The following RALGAPA2 variants were observed in gnomAD, a reference collection of about 807,000 sequenced individuals.
RALGAPA2 encodes the protein ral GTPase-activating protein subunit alpha-2.
In RALGAPA2, 139 loss-of-function variants were observed where a neutral mutation model predicts 230.4. The ratio of observed to expected loss-of-function variants is 0.60; its 90% confidence interval spans 0.53 to 0.69. The LOEUF (loss-of-function observed/expected upper bound fraction) is 0.69. Among genes scored for constraint, RALGAPA2 ranks in the 30% least tolerant of loss-of-function variants. The pLI is 0.00. For missense variants in RALGAPA2, 2,163 were observed against 2,276.0 expected (o/e 0.95, Z 1.01); for synonymous variants, 847 against 837.8 (o/e 1.01, Z -0.19).
At chr20:20,399,673 AAGAGGC>A (rs1385501567) in intron 38 of RALGAPA2, among the ~76,000 whole-genome samples, 1 of 152,234 alleles carries the variant, frequency 6.6e-6, no homozygotes, top group Non-Finnish European at 1.5e-5. Context: ...CACAGGAAAC[AAGAGGC>A]TGGCTGGAGA....
At position 20,639,796 on chromosome 20, in the gene RALGAPA2, T is replaced by C; in HGVS notation, c.655A>G (p.Met219Val). The C allele has an allele frequency of 2.5e-6, 4 of 1,605,460 alleles. No homozygotes were observed. The highest frequency in any genetic ancestry group is 2.2e-5 in the East Asian group (1 of 44,830). ...CFFLQILLKY[M>V]VIQAASLEWK... is the part of the protein sequence containing the mutation. ...AATTTTTCTCTGACCTGAATAACCA[T>C]ATACTTCAACAGTATTTGAAGAAAA... The change falls in exon 7 of 40, where the codon ATG becomes GTG. Residue 219 changes from methionine (M) to valine (V), a missense_variant. Transcript: ENST00000202677.
At position 20,629,442 on chromosome 20, in the gene RALGAPA2, C is replaced by T. The variant is rs373215034; in HGVS notation, c.1154G>A (p.Arg385Gln). Residue 385 changes from arginine (R) to glutamine (Q), a missense_variant, in exon 10 of 40, where the codon CGA (arginine) becomes CAA (glutamine). Physicochemically the swap from Arg to Gln is conservative, Grantham distance 43. Transcript: ENST00000202677. The part of the protein sequence containing the change: ...SSLCSIEEEH[R>Q]MVYEMVQRIL... ...CCGCTGTACCATTTCATACACCATT[C>T]GGTGCTCTTCTTCAATGCTACAGAG... is the stretch of plus-strand genomic sequence containing the variant. The T allele has an allele frequency of 1.5e-5, 25 of 1,613,756 alleles. No homozygotes were observed. The highest frequency in any genetic ancestry group is 2.0e-5 in the Non-Finnish European group (24 of 1,179,900).
chr20:20,541,402 G>A (rs889929654), intron 24 of RALGAPA2, among the ~76,000 whole-genome samples: 1 of 152,128 alleles, frequency 6.6e-6, no homozygotes, highest in Non-Finnish European at 1.5e-5. Context: ...TGCTAATAAT[G>A]AAATAGAACA....
chr20:20,418,107 G>T (rs921132521), intron 37 of RALGAPA2, among the ~76,000 whole-genome samples: 5 of 152,134 alleles, frequency 3.3e-5, no homozygotes, highest in Admixed American at 1.3e-4. Context: ...GCACAACGTG[G>T]GAGGAAGCAT....
rs1431647408 is a variant in RALGAPA2 at position 20,524,379 on chromosome 20, T to C, written c.3900+27A>G. ...CTCTGTCATATAAACCCACACTCCA[T>C]TCCCCCAGGCCCAGGTGTAGACTCA... On this transcript the variant is annotated intron_variant, in intron 30 of 39. Transcript: ENST00000202677. 1.9e-6 allele frequency: 3 copies of C among 1,613,126 alleles called. No homozygotes were observed. In the Admixed American group the frequency reaches 5.0e-5, roughly 27 times the overall value.
intron 23 of RALGAPA2, among the ~76,000 whole-genome samples, chr20:20,560,059 C>A (rs73292703): frequency 0.038 from 5,844 of 152,146 alleles, 386 homozygotes; most frequent in African/African-American, 0.13. Context: ...TCTAAGGCAG[C>A]CCCTGCCTTC....
At chr20:20,585,310 T>C (rs548413067) in intron 18 of RALGAPA2, among the ~76,000 whole-genome samples, 34 of 152,328 alleles carry the variant, frequency 2.2e-4, no homozygotes, top group Non-Finnish European at 4.3e-4. Flanking sequence ...GCATAAGTTA[T>C]GCACACAAAT....
chr20:20,678,262 C>T (rs886161026), intron 2 of RALGAPA2, among the ~76,000 whole-genome samples: 3 of 152,154 alleles, frequency 2.0e-5, no homozygotes, highest in Admixed American at 6.6e-5. Context: ...GTCTTCCCTG[C>T]ACTCCAATCG....
chr20:20,642,471 A>G (rs1435802189), intron 5 of RALGAPA2, among the ~76,000 whole-genome samples: 3 of 152,196 alleles, frequency 2.0e-5, no homozygotes, highest in Non-Finnish European at 2.9e-5. Flanking sequence ...TCGGCCTCCC[A>G]AAGTGCTGGG....
intron 37 of RALGAPA2, among the ~76,000 whole-genome samples, chr20:20,425,636 G>A (rs963789819): frequency 2.0e-5 from 3 of 152,196 alleles, no homozygotes; most frequent in Non-Finnish European, 1.5e-5. Flanking sequence ...TGATGTGAAG[G>A]TTGCCAAGCG....
intron 36 of RALGAPA2, among the ~76,000 whole-genome samples, chr20:20,492,447 G>A (rs1248408010): frequency 3.3e-5 from 5 of 152,138 alleles, no homozygotes; most frequent in Admixed American, 6.5e-5. Context: ...AAAAAAATAC[G>A]GATTTTGGTG....
chr20:20,437,687 TGC>T lies in RALGAPA2; in HGVS notation c.5496-25541_5496-25540del, dbSNP rs1401922804. Among the ~76,000 whole-genome samples, 1 of 152,222 alleles carries T rather than the reference TGC, an allele frequency of 6.6e-6. No homozygotes were observed. The highest frequency in any genetic ancestry group is 1.5e-5 in the Non-Finnish European group (1 of 68,034). On this transcript the variant is annotated intron_variant, in intron 37 of 39. Coordinates refer to ENST00000202677, the MANE Select transcript of RALGAPA2 (RefSeq NM_020343.4). The surrounding 1 kb of genome is among the most constrained non-coding windows in gnomAD (Gnocchi z 4.1). ...CACCTCCTTCAGGTCTTTGCTCAAA[TGC>T]CAGCTTTTCTCAGGAGGCACTGTGA...
chr20:20,696,445 C>T (rs988710141), intron 1 of RALGAPA2, among the ~76,000 whole-genome samples: 2 of 152,150 alleles, frequency 1.3e-5, no homozygotes, highest in African/African-American at 4.8e-5. Context: ...TATGAGGGAA[C>T]CACATTGATT....
Position 20,571,513 on chromosome 20 carries a change from T to C in RALGAPA2, c.3101A>G (p.Asp1034Gly), listed in dbSNP as rs889613947. 2 of 1,612,964 alleles carry C rather than the reference T, an allele frequency of 1.2e-6. No homozygotes were observed. Among genetic ancestry groups the C allele is most frequent in the Admixed American group, 1.7e-5 (1 of 59,870 alleles). ...TRRQDVLPNS[D>G]FLVHFYLVMH... ...CACAAGGTAAAAATGCACCAGGAAATCTGAGTTTGGCAGAACGTCCTGGCG... is the reference window on the plus strand; with the variant it reads ...CACAAGGTAAAAATGCACCAGGAAACCTGAGTTTGGCAGAACGTCCTGGCG... The change falls in exon 23 of 40, where the codon GAT (aspartate) becomes GGT (glycine). Residue 1034 changes from aspartate to glycine, a missense_variant. Coordinates refer to ENST00000202677, the MANE Select transcript of RALGAPA2 (RefSeq NM_020343.4).
At chr20:20,422,840 T>C (rs1428223168) in intron 37 of RALGAPA2, among the ~76,000 whole-genome samples, 1 of 152,134 alleles carries the variant, frequency 6.6e-6, no homozygotes, top group Non-Finnish European at 1.5e-5. Flanking sequence ...TCACAGCTTA[T>C]ATGGAAAGAC....
At chr20:20,629,286 A>G in intron 10 of RALGAPA2, 77 bp downstream of exon 10, 1 of 1,263,914 alleles carries the variant, frequency 7.9e-7, no homozygotes, top group South Asian at 1.3e-5. Context: ...GTAAAAGAAC[A>G]TGAAACAAAA....
intron 37 of RALGAPA2, among the ~76,000 whole-genome samples, chr20:20,414,844 G>A (rs901323596): frequency 9.9e-5 from 15 of 152,264 alleles, no homozygotes; most frequent in East Asian, 3.9e-4. Flanking sequence ...ACACTCTCCC[G>A]CCCACTAACT....
chr20:20,531,895 A>C (rs2063378480), intron 26 of RALGAPA2, 100 bp from the exon 27 acceptor site: 14 of 985,890 alleles, frequency 1.4e-5, no homozygotes, highest in Non-Finnish European at 2.0e-5. Flanking sequence ...TTTATACAAA[A>C]TAGCAAATAT....
intron 13 of RALGAPA2, among the ~76,000 whole-genome samples, chr20:20,612,809 C>A (rs1185075468): frequency 6.6e-6 from 1 of 152,140 alleles, no homozygotes; most frequent in African/African-American, 2.4e-5. Flanking sequence ...GTACCCAGGC[C>A]CCTGTCGCCA....
Sources: gnomAD v4.1 joint callset for allele counts (sites outside exome capture counted in the v4.1 genomes callset) on GRCh38, gnomAD v4.1.1 for gene constraint, Gnocchi (gnomAD v3.1) non-coding constraint, MANE v1.5 for transcripts, NCBI Gene and HGNC (gene_info 2026-07-23, HGNC 2026-07-21) for gene names.